Variants in TLR5 observed in about 807,000 individuals in gnomAD.
The protein encoded by TLR5 is toll-like receptor 5.
For missense variants in TLR5, 944 were observed against 999.8 expected (o/e 0.94, Z 0.75); for synonymous variants, 373 against 384.4 (o/e 0.97, Z 0.35).
chr1:223,110,616 T>C lies in TLR5; in HGVS notation c.2416A>G (p.Ile806Val), dbSNP rs758303268. The change falls in exon 6 of 6, where the codon ATC (isoleucine) becomes GTC (valine). Residue 806 changes from isoleucine (I) to valine (V), a missense_variant. Physicochemically the swap from Ile to Val is conservative, Grantham distance 29. Transcript: ENST00000642603. ...TGCTGTTTCTGTACAAAGCCTCTGA[T>C]GGATTGATGTTTCATCAACTGGTAC... The part of the protein sequence containing the change: ...SQYQLMKHQS[I>V]RGFVQKQQYL... 1.2e-6 allele frequency: 2 copies of C among 1,614,088 alleles called. No individual in the cohort carries two copies. The highest frequency in any genetic ancestry group is 2.7e-5 in the African/African-American group (2 of 74,932).
In TLR5 at chr1:223,119,789, G is replaced by A. The variant is rs139201948; in HGVS notation, c.-4-6754C>T. 3.1e-3 allele frequency among the ~76,000 whole-genome samples: 471 copies of A among 151,000 alleles called. 2 individuals carry two copies. The highest frequency in any genetic ancestry group is 4.0e-3 in the South Asian group (19 of 4,790). On this transcript the variant is annotated intron_variant, in intron 5 of 5. Coordinates refer to ENST00000642603, the MANE Select transcript of TLR5 (RefSeq NM_003268.6). ...AGGTTGGCTGATATGGTGGAACCCCGTCTCTACTAAAAATACAAAAAATTA... is the reference window on the plus strand; with the variant it reads ...AGGTTGGCTGATATGGTGGAACCCCATCTCTACTAAAAATACAAAAAATTA...
chr1:223,114,861 A>G (rs1053308014), intron 5 of TLR5, among the ~76,000 whole-genome samples: 1 of 152,162 alleles, frequency 6.6e-6, no homozygotes, highest in Non-Finnish European at 1.5e-5. Context: ...TCTTTTAAAC[A>G]TCATTCTTTT....
At chr1:223,136,300 C>G (rs1025384712) in intron 3 of TLR5, among the ~76,000 whole-genome samples, 1 of 152,116 alleles carries the variant, frequency 6.6e-6, no homozygotes, top group Non-Finnish European at 1.5e-5. Context: ...AGTGGTAACC[C>G]GAGTGGACCA....
intron 5 of TLR5, among the ~76,000 whole-genome samples, chr1:223,115,742 G>T (rs1423667204): frequency 6.6e-6 from 1 of 152,192 alleles, no homozygotes; most frequent in Admixed American, 6.5e-5. Context: ...CATGGCTCGG[G>T]TGGTGGCTGC....
Position 223,111,504 on chromosome 1 carries a change from T to A in TLR5, c.1528A>T (p.Asn510Tyr). ...GGAAGGGAATTAAGATAGTTATGAT[T>A]CAAATACAGAACTTGAAGATGAGAA... Reference protein sequence around the residue: ...GLSHLQVLYLNHNYLNSLPPG... With the variant: ...GLSHLQVLYLYHNYLNSLPPG... The change falls in exon 6 of 6, where the codon AAT (asparagine) becomes TAT (tyrosine). Residue 510 changes from asparagine to tyrosine, a missense_variant. Physicochemically the swap from Asn to Tyr is moderately radical, Grantham distance 143. Coordinates refer to ENST00000642603, the MANE Select transcript of TLR5 (RefSeq NM_003268.6). 2 of 1,614,108 alleles carry A rather than the reference T, an allele frequency of 1.2e-6. No individual in the cohort carries two copies. Among genetic ancestry groups the A allele is most frequent in the African/African-American group, 1.3e-5 (1 of 75,000 alleles).
chr1:223,119,997 T>TAAAATAAAATAAAATAAAAAAAATAAAA (rs1299087911), intron 5 of TLR5, among the ~76,000 whole-genome samples: 42 of 99,898 alleles, frequency 4.2e-4, no homozygotes, highest in Admixed American at 2.1e-3. Flanking sequence ...TAAAATAAAA[T>TAAAATAAAATAAAATAAAAAAAATAAAA]AAAATAAAAT....
At chr1:223,119,752 G>A (rs892125719) in intron 5 of TLR5, among the ~76,000 whole-genome samples, 20 of 151,544 alleles carry the variant, frequency 1.3e-4, no homozygotes, top group South Asian at 8.3e-4. Flanking sequence ...CTGAGGTCAG[G>A]AGTTCAAGAC....
Position 223,111,588 on chromosome 1 carries a change from C to A in TLR5, c.1444G>T (p.Glu482Ter). The A allele has an allele frequency of 6.2e-7, 1 of 1,614,170 alleles. No homozygotes were observed. The highest frequency in any genetic ancestry group is 8.5e-7 in the Non-Finnish European group (1 of 1,180,030). ...NPSLEQLFLG[E>*]NMLQLAWETE... The stretch of plus-strand genomic sequence containing the variant: ...TCCCAGGCAAGTTGCAACATATTTT[C>A]TCCAAGGAAAAGCTGTTCTAAGCTG... The change falls in exon 6 of 6, where the codon GAA becomes TAA. Residue 482 changes from glutamate (E) to a stop codon, truncating the protein, a stop_gained. Coordinates refer to ENST00000642603, the MANE Select transcript of TLR5 (RefSeq NM_003268.6). LOFTEE classifies it low-confidence loss of function (END_TRUNC).
At chr1:223,122,936 C>G (rs966039733) in intron 5 of TLR5, among the ~76,000 whole-genome samples, 3 of 152,130 alleles carry the variant, frequency 2.0e-5, no homozygotes, top group Non-Finnish European at 4.4e-5. Context: ...AACATTTTCT[C>G]TAAAGGGCCA....
chr1:223,142,684 C>A (rs1369954081), intron 1 of TLR5, among the ~76,000 whole-genome samples: 3 of 152,180 alleles, frequency 2.0e-5, no homozygotes, highest in Non-Finnish European at 4.4e-5. Flanking sequence ...CCAGTGTGCA[C>A]TGCCTGGTGC....
chr1:223,118,279 G>A (rs1429022003), intron 5 of TLR5, among the ~76,000 whole-genome samples: 2 of 152,220 alleles, frequency 1.3e-5, no homozygotes, highest in South Asian at 2.1e-4. Flanking sequence ...AGGCATGGTG[G>A]CTCACGCCTG....
intron 5 of TLR5, among the ~76,000 whole-genome samples, chr1:223,130,774 C>A (rs1049565396): frequency 1.3e-5 from 2 of 152,192 alleles, no homozygotes; most frequent in African/African-American, 4.8e-5. Context: ...GGGCTATAGC[C>A]ATTCTGAGAC....
Position 223,143,213 on chromosome 1 carries a change from G to C in TLR5, c.-572C>G, listed in dbSNP as rs751246327. On this transcript the variant is annotated 5_prime_UTR_variant, in exon 1 of 6. Transcript: ENST00000642603. ...GCGCTCACCTCTGGGACGCCTCCCC[G>C]CGCCGCCTGCGCCACGGTTGGCTCC... 6.6e-6 allele frequency: 1 copy of C among 152,176 alleles called. No individual in the cohort carries two copies. The highest frequency in any genetic ancestry group is 2.4e-5 in the African/African-American group (1 of 41,432). 9.4% of individuals were successfully genotyped at this position (152,176 alleles called of 1,614,324 possible).
chr1:223,115,877 G>C (rs1656607923), intron 5 of TLR5, among the ~76,000 whole-genome samples: 1 of 152,120 alleles, frequency 6.6e-6, no homozygotes, highest in Non-Finnish European at 1.5e-5. Context: ...CCAGCACCAA[G>C]GTCCTAGGGT....
Position 223,112,323 on chromosome 1 carries a change from C to T in TLR5, c.709G>A (p.Gly237Ser), listed in dbSNP as rs770192036. 5.0e-6 allele frequency: 8 copies of T among 1,614,206 alleles called. No homozygotes were observed. The highest frequency in any genetic ancestry group is 6.8e-6 in the Non-Finnish European group (8 of 1,180,034). The part of the protein sequence containing the change: ...VLEILDVSGN[G>S]WTVDITGNFS... The stretch of plus-strand genomic sequence containing the variant: ...TTTCCTGTGATGTCCACTGTCCAGC[C>T]ATTTCCAGAAACATCTAGTATCTCC... The change falls in exon 6 of 6, where the codon GGC becomes AGC. Residue 237 changes from glycine (G) to serine (S), a missense_variant. Physicochemically the swap from Gly to Ser is moderately conservative, Grantham distance 56 (BLOSUM62 0). Transcript: ENST00000642603.
intron 3 of TLR5, among the ~76,000 whole-genome samples, chr1:223,136,282 G>A (rs1452124344): frequency 6.6e-6 from 1 of 152,202 alleles, no homozygotes; most frequent in African/African-American, 2.4e-5. Flanking sequence ...AGGCACAAGA[G>A]TGCCTTCAGT....
intron 5 of TLR5, among the ~76,000 whole-genome samples, chr1:223,122,477 A>G (rs1354225047): frequency 6.6e-6 from 1 of 152,192 alleles, no homozygotes; most frequent in Non-Finnish European, 1.5e-5. Flanking sequence ...ACTTCAGATG[A>G]GACAAGAATA....
intron 3 of TLR5, among the ~76,000 whole-genome samples, chr1:223,136,301 G>C (rs951079701): frequency 6.6e-6 from 1 of 152,190 alleles, no homozygotes; most frequent in African/African-American, 2.4e-5. Context: ...GTGGTAACCC[G>C]AGTGGACCAG....
At chr1:223,138,315 A>T (rs1657699837) in intron 2 of TLR5, among the ~76,000 whole-genome samples, 1 of 151,520 alleles carries the variant, frequency 6.6e-6, no homozygotes, top group South Asian at 2.1e-4. Context: ...TTTGTTTAGC[A>T]TTGGGCAGCT....
Sources: gnomAD v4.1 joint callset for allele counts (sites outside exome capture counted in the v4.1 genomes callset) on GRCh38, gnomAD v4.1.1 for gene constraint, MANE v1.5 for transcripts, NCBI Gene and HGNC (gene_info 2026-07-23, HGNC 2026-07-21) for gene names.